The following NLGN1 variants were observed in gnomAD, a reference collection of about 807,000 sequenced individuals.
NLGN1 encodes neuroligin-1.
NLGN1 carries 12 observed loss-of-function variants against 65.5 expected under a neutral mutation model. That is an observed-to-expected ratio of 0.18 (90% CI 0.12 to 0.30). The LOEUF (loss-of-function observed/expected upper bound fraction) is 0.30. Among genes scored for constraint, NLGN1 ranks in the 10% least tolerant of loss-of-function variants. The pLI is 1.00. For synonymous variants in NLGN1, 350 were observed against 359.5 expected, an observed-to-expected ratio of 0.97 and a Z score of 0.30; for missense variants, 750 against 1,007.1, an observed-to-expected ratio of 0.74 and a Z score of 3.46.
At chr3:174,229,422 A>G (rs1740294389) in intron 4 of NLGN1, among the ~76,000 whole-genome samples, 3 of 152,144 alleles carry the variant, frequency 2.0e-5, no homozygotes, top group South Asian at 4.1e-4. Flanking sequence ...CCGCATCTCC[A>G]TAAACAGTTT....
intron 4 of NLGN1, among the ~76,000 whole-genome samples, chr3:174,139,505 A>G (rs1223396721): frequency 6.6e-6 from 1 of 151,746 alleles, no homozygotes; most frequent in African/African-American, 2.4e-5. Context: ...CAGTTGATTT[A>G]TCCATTCTTC....
At chr3:173,491,372 G>A (rs1295287260) in intron 2 of NLGN1, among the ~76,000 whole-genome samples, 1 of 151,746 alleles carries the variant, frequency 6.6e-6, no homozygotes, top group Non-Finnish European at 1.5e-5. Context: ...TTTGTCATTG[G>A]TTCTGTTTAT....
intron 4 of NLGN1, among the ~76,000 whole-genome samples, chr3:174,259,604 A>C (rs1746463228): frequency 1.3e-5 from 2 of 152,168 alleles, no homozygotes; most frequent in Admixed American, 1.3e-4. Flanking sequence ...TTTTTATTAC[A>C]ATACAATTAA....
chr3:173,778,051 T>G (rs999471927), intron 3 of NLGN1, among the ~76,000 whole-genome samples: 9 of 151,866 alleles, frequency 5.9e-5, no homozygotes, highest in Non-Finnish European at 1.2e-4. Context: ...ACTTTTCACT[T>G]GAAGTGTTAA....
At chr3:173,925,041 TAAAAG>T in intron 4 of NLGN1, among the ~76,000 whole-genome samples, 1 of 152,144 alleles carries the variant, frequency 6.6e-6, no homozygotes, top group Non-Finnish European at 1.5e-5. Context: ...TAAAAGTTAA[TAAAAG>T]AAATAATAAC....
At chr3:173,524,727 A>C (rs1735344545) in intron 2 of NLGN1, among the ~76,000 whole-genome samples, 1 of 152,098 alleles carries the variant, frequency 6.6e-6, no homozygotes, top group African/African-American at 2.4e-5. Flanking sequence ...TACTGTTTTG[A>C]AGTATGTTTC....
chr3:173,423,857 G>A (rs1013236771), intron 1 of NLGN1, among the ~76,000 whole-genome samples: 1 of 152,186 alleles, frequency 6.6e-6, no homozygotes, highest in Non-Finnish European at 1.5e-5. Flanking sequence ...TGCCCCAGTG[G>A]AGACTGTGTT....
At chr3:174,126,326 A>T (rs1383280597) in intron 4 of NLGN1, among the ~76,000 whole-genome samples, 1 of 152,092 alleles carries the variant, frequency 6.6e-6, no homozygotes, top group East Asian at 1.9e-4. Flanking sequence ...GCACCAGACC[A>T]TAGTGTAGAG....
At chr3:174,184,986 AT>A (rs1731128524) in intron 4 of NLGN1, among the ~76,000 whole-genome samples, 1 of 152,096 alleles carries the variant, frequency 6.6e-6, no homozygotes, top group Non-Finnish European at 1.5e-5. Context: ...GGCAGGAATA[AT>A]AATGCACAGC....
intron 3 of NLGN1, among the ~76,000 whole-genome samples, chr3:173,684,652 T>G (rs2149797263): frequency 6.6e-6 from 1 of 152,334 alleles, no homozygotes; most frequent in South Asian, 2.1e-4. Flanking sequence ...TACATCATAT[T>G]GGAAATGTCA....
chr3:173,740,922 A>G (rs1318430684), intron 3 of NLGN1, among the ~76,000 whole-genome samples: 1 of 152,194 alleles, frequency 6.6e-6, no homozygotes, highest in Non-Finnish European at 1.5e-5. Context: ...TCAAGGAGTC[A>G]GACTATCTTC....
chr3:173,605,594 G>A lies in NLGN1; in HGVS notation c.493+503G>A, dbSNP rs1751277005. 7.8e-7 allele frequency: 1 copy of A among 1,276,804 alleles called. No homozygotes were observed. Among genetic ancestry groups the A allele is most frequent in the Non-Finnish European group, 1.0e-6 (1 of 977,178 alleles). The allele number at this position is 1,276,804 out of a possible 1,614,324, so 79.1% of individuals were successfully genotyped here. A position where few individuals can be genotyped will look rare whatever the true frequency, so the allele number is the denominator to read the frequency against. ...GGCAAGAAAATATGTAGAAAAGGAG[G>A]TATGTATAAAAGTGGAAATTAAAAA... On this transcript the variant is annotated intron_variant, in intron 3 of 6. Transcript: ENST00000457714.
Position 174,279,116 on chromosome 3 carries a change from T to C in NLGN1, c.1115T>C (p.Leu372Ser), listed in dbSNP as rs1751128847. The C allele has an allele frequency of 2.5e-6, 4 of 1,613,342 alleles. No individual in the cohort carries two copies. Among genetic ancestry groups the C allele is most frequent in the Non-Finnish European group, 3.4e-6 (4 of 1,179,528 alleles). The change falls in exon 6 of 7, where the codon TTG becomes TCG. Residue 372 changes from leucine (L) to serine (S), a missense_variant. By Grantham distance (145) the Leu-to-Ser change is moderately radical. Coordinates refer to ENST00000457714, the Ensembl canonical transcript of NLGN1. This position sits in a 1 kb window ranked among gnomAD's most constrained non-coding sequence, Gnocchi z 4.7. The stretch of plus-strand genomic sequence containing the variant: ...GTAATACCAGACGACCCCCAGATAT[T>C]GATGGAGCAAGGAGAGTTTCTCAAC...
chr3:173,645,920 C>T (rs1758184985), intron 3 of NLGN1, among the ~76,000 whole-genome samples: 1 of 152,160 alleles, frequency 6.6e-6, no homozygotes, highest in Non-Finnish European at 1.5e-5. Context: ...TGAGCTTGCT[C>T]CTTAAACAGT....
intron 4 of NLGN1, among the ~76,000 whole-genome samples, chr3:173,938,704 G>A (rs927868849): frequency 6.6e-6 from 1 of 152,128 alleles, no homozygotes; most frequent in Non-Finnish European, 1.5e-5. Flanking sequence ...AAGAGGACTA[G>A]AACAAACACC....
At chr3:173,659,900 T>C (rs1760669825) in intron 3 of NLGN1, among the ~76,000 whole-genome samples, 1 of 151,914 alleles carries the variant, frequency 6.6e-6, no homozygotes, top group African/African-American at 2.4e-5. Flanking sequence ...ATCACAAAAG[T>C]CCACTACCTT....
chr3:173,951,495 C>T (rs1160262918), intron 4 of NLGN1, among the ~76,000 whole-genome samples: 2 of 149,332 alleles, frequency 1.3e-5, no homozygotes, highest in African/African-American at 5.0e-5. Flanking sequence ...CGGAGTCTTG[C>T]TCTGTCGCCC....
At chr3:173,903,790 T>C (rs956148997) in intron 4 of NLGN1, among the ~76,000 whole-genome samples, 2 of 152,050 alleles carry the variant, frequency 1.3e-5, no homozygotes, top group African/African-American at 4.8e-5. Context: ...CAAATGAGAG[T>C]TGGTGTCAGT....
intron 4 of NLGN1, among the ~76,000 whole-genome samples, chr3:174,011,929 C>T (rs1725637840): frequency 6.6e-6 from 1 of 152,020 alleles, no homozygotes; most frequent in South Asian, 2.1e-4. Context: ...CTCATTATTC[C>T]CAGATATTTT....
Sources: allele counts gnomAD v4.1 joint callset (sites outside exome capture counted in the v4.1 genomes callset), GRCh38; gene constraint gnomAD v4.1.1; non-coding constraint Gnocchi (gnomAD v3.1); transcripts MANE v1.5; gene names NCBI Gene and HGNC (gene_info 2026-07-23, HGNC 2026-07-21).